C3orf49: variants seen among roughly 807,000 people sequenced by gnomAD.
C3orf49 encodes the protein chromosome 3 open reading frame 49.
In C3orf49, 27 loss-of-function variants were observed where a neutral mutation model predicts 13.3. The ratio of observed to expected loss-of-function variants is 2.02; its 90% CI spans 1.49 to 2.79. C3orf49 has a LOEUF of 2.79. Among genes scored for constraint, C3orf49 ranks in the 30% most tolerant of loss-of-function variants. The pLI is 0.00. For missense variants in C3orf49, 242 were observed against 134.2 expected (o/e 1.80, Z -3.97); for synonymous variants, 87 against 47.6 (o/e 1.83, Z -3.40).
chr3:63,819,096 TTTGTTG>T (rs142440061), upstream of C3orf49, among the ~76,000 whole-genome samples: 26 of 152,066 alleles, frequency 1.7e-4, no homozygotes, highest in Admixed American at 1.6e-3. Context: ...GTGGGTGTTT[TTTGTTG>T]TTGTTGTTGT....
At chr3:63,808,917 G>A in the C3orf49 span, among the ~76,000 whole-genome samples, 38 of 152,076 alleles carry the variant, frequency 2.5e-4, no homozygotes, top group Middle Eastern at 3.4e-3. Context: ...CAATTCCGTC[G>A]GTACCTGTGG....
At chr3:63,806,256 C>A in the C3orf49 span, among the ~76,000 whole-genome samples, 5 of 152,324 alleles carry the variant, frequency 3.3e-5, no homozygotes, top group East Asian at 9.7e-4. Flanking sequence ...TCTGGTTGCC[C>A]CTGGCGCTAA....
At chr3:63,811,419 A>T in the C3orf49 span, among the ~76,000 whole-genome samples, 1 of 151,916 alleles carries the variant, frequency 6.6e-6, no homozygotes, top group African/African-American at 2.4e-5. Flanking sequence ...CTAGCCGAGC[A>T]TGGGGGCGGA....
the C3orf49 span, among the ~76,000 whole-genome samples, chr3:63,809,221 T>C: frequency 2.0e-5 from 3 of 152,310 alleles, no homozygotes; most frequent in South Asian, 6.2e-4. Context: ...CTCATTGACT[T>C]TCCTGAAACA....
At chr3:63,816,695 C>T (rs1575793657), upstream of C3orf49, among the ~76,000 whole-genome samples, 1 of 151,946 alleles carries the variant, frequency 6.6e-6, no homozygotes, top group Admixed American at 6.5e-5. Context: ...ATTTGGTCCT[C>T]CCTCCAGCTT....
At chr3:63,804,963 A>C in the C3orf49 span, 2 of 152,210 alleles carry the variant, frequency 1.3e-5, no homozygotes, top group African/African-American at 4.8e-5. Context: ...GTAGAAGGTA[A>C]GAAAAAACAG....
chr3:63,781,364 C>T, the C3orf49 span, among the ~76,000 whole-genome samples: 5 of 152,128 alleles, frequency 3.3e-5, no homozygotes, highest in Non-Finnish European at 7.4e-5. Flanking sequence ...TGTTTTGGTA[C>T]CAGTACCATG....
At chr3:63,844,365 C>T (rs1343560471) in intron 5 of C3orf49, among the ~76,000 whole-genome samples, 3 of 152,194 alleles carry the variant, frequency 2.0e-5, no homozygotes, top group Non-Finnish European at 4.4e-5. Flanking sequence ...GATATGCTCT[C>T]ACCACAAAAA....
intron 5 of C3orf49, among the ~76,000 whole-genome samples, chr3:63,840,959 T>G (rs958724590): frequency 6.6e-6 from 1 of 152,212 alleles, no homozygotes; most frequent in African/African-American, 2.4e-5. Flanking sequence ...AGTGCACTCA[T>G]GCACAAAGAC....
chr3:63,835,468 C>G (rs1239558853), intron 5 of C3orf49: 3 of 1,301,784 alleles, frequency 2.3e-6, no homozygotes, highest in Middle Eastern at 2.7e-4. Context: ...TTTTAAGTTA[C>G]TAGATAGGAT....
At chr3:63,847,916 T>C (rs973899102) in intron 6 of C3orf49, among the ~76,000 whole-genome samples, 1 of 152,068 alleles carries the variant, frequency 6.6e-6, no homozygotes, top group Admixed American at 6.5e-5. Context: ...GAAAAACTAG[T>C]TTAGGCCATG....
the C3orf49 span, among the ~76,000 whole-genome samples, chr3:63,780,684 A>C: frequency 1.7e-3 from 254 of 152,276 alleles, 3 homozygotes; most frequent in Non-Finnish European, 7.8e-4. Context: ...TGCCATTCTA[A>C]CTGGTGTGAG....
the C3orf49 span, among the ~76,000 whole-genome samples, chr3:63,802,483 G>A: frequency 6.6e-6 from 1 of 152,194 alleles, no homozygotes; most frequent in African/African-American, 2.4e-5. Flanking sequence ...ATCTGCAGGT[G>A]TACTTGCTTG....
chr3:63,780,743 T>C, the C3orf49 span, among the ~76,000 whole-genome samples: 2 of 152,362 alleles, frequency 1.3e-5, no homozygotes, highest in East Asian at 3.9e-4. Context: ...TGGCCAGTGA[T>C]GATGAGCATT....
At chr3:63,816,576 T>C (rs1006188774), upstream of C3orf49, among the ~76,000 whole-genome samples, 2 of 151,274 alleles carry the variant, frequency 1.3e-5, no homozygotes, top group Admixed American at 6.6e-5. Flanking sequence ...AGTAAGATGC[T>C]GTTTAAACAA....
upstream of C3orf49, among the ~76,000 whole-genome samples, chr3:63,817,283 T>G (rs934818780): frequency 6.6e-6 from 1 of 152,132 alleles, no homozygotes; most frequent in Non-Finnish European, 1.5e-5. Flanking sequence ...CATCATCCTC[T>G]TTTACTTTTT....
At position 63,837,052 on chromosome 3, in the gene C3orf49, A is replaced by C. The variant is rs188153232; in HGVS notation, c.849+5208A>C. Among the ~76,000 whole-genome samples, 34 of 152,168 alleles carry C rather than the reference A, an allele frequency of 2.2e-4. 1 individual carries two copies. In the East Asian group the frequency reaches 6.4e-3, roughly 28 times the overall value. On this transcript the variant is annotated intron_variant, in intron 5 of 6. Coordinates refer to ENST00000295896, the MANE Select transcript of C3orf49 (RefSeq NM_001355236.2). ...CACCATACACATTTTAAACTGAAAAAAAAAACTTGTAAAAAGAGGAAATTA... is the reference window on the plus strand; with the variant it reads ...CACCATACACATTTTAAACTGAAAACAAAAACTTGTAAAAAGAGGAAATTA...
chr3:63,792,039 G>A, the C3orf49 span, among the ~76,000 whole-genome samples: 3 of 152,174 alleles, frequency 2.0e-5, no homozygotes, highest in Admixed American at 1.3e-4. Context: ...TATAGAAAAC[G>A]TTGCCAGAAT....
chr3:63,838,515 G>C (rs1701683401), intron 5 of C3orf49: 2 of 1,575,138 alleles, frequency 1.3e-6, no homozygotes. Context: ...GAAAAAGAAA[G>C]AAAACCAAAA....
Sources: allele counts gnomAD v4.1 joint callset (sites outside exome capture counted in the v4.1 genomes callset), GRCh38; gene constraint gnomAD v4.1.1; transcripts MANE v1.5; gene names NCBI Gene and HGNC (gene_info 2026-07-23, HGNC 2026-07-21).